Variants in PACS2 observed in about 807,000 individuals in gnomAD.
PACS2 encodes phosphofurin acidic cluster sorting protein 2.
In PACS2, 36 loss-of-function variants were observed where a neutral mutation model predicts 113.0. The observed-to-expected ratio is 0.32, with a 90% confidence interval of 0.24 to 0.42. The LOEUF (loss-of-function observed/expected upper bound fraction) is 0.42. Among genes scored for constraint, PACS2 ranks in the 10% least tolerant of loss-of-function variants. The pLI is 1.00. For synonymous variants in PACS2, 589 were observed against 536.1 expected (o/e 1.10, Z -1.36); for missense variants, 1,015 against 1,239.5 (o/e 0.82, Z 2.72).
At chr14:105,321,505 G>A (rs1226439202) in intron 1 of PACS2, among the ~76,000 whole-genome samples, 1 of 152,006 alleles carries the variant, frequency 6.6e-6, no homozygotes, top group Non-Finnish European at 1.5e-5. Flanking sequence ...TGGGACTACA[G>A]GTGTGCACCA....
At position 105,376,173 on chromosome 14, in the gene PACS2, C is replaced by T. The variant is rs1566954718; in HGVS notation, c.802-595C>T. ...TTACCTCCACTTGTCCTGCCCTTGG[C>T]ACGTGGGGCTTATGGGGATTACAAT... On this transcript the variant is annotated intron_variant, in intron 8 of 24. Coordinates refer to ENST00000447393, the MANE Select transcript of PACS2 (RefSeq NM_001100913.3). This position sits in a 1 kb window ranked among gnomAD's most constrained non-coding sequence, Gnocchi z 4.7. 6.6e-6 allele frequency among the ~76,000 whole-genome samples: 1 copy of T among 152,194 alleles called. No homozygotes were observed. Among genetic ancestry groups the T allele is most frequent in the Non-Finnish European group, 1.5e-5 (1 of 68,020 alleles).
chr14:105,368,027 C>T lies in PACS2; in HGVS notation c.587-47C>T, dbSNP rs371844801. The T allele has an allele frequency of 2.1e-4, 278 of 1,313,782 alleles. 1 individual carries two copies. Among genetic ancestry groups the T allele is most frequent in the African/African-American group, 2.6e-4 (18 of 69,386 alleles). 81.4% of individuals were successfully genotyped at this position (1,313,782 alleles called of 1,614,324 possible). On this transcript the variant is annotated intron_variant, in intron 5 of 24. Coordinates refer to ENST00000447393, the MANE Select transcript of PACS2 (RefSeq NM_001100913.3). ...TGGGGGTGGTCACTGCCTGGTTTCC[C>T]GGGTGGAATCTCACGGCACCCTCCC...
chr14:105,344,161 C>A (rs1161919247), intron 1 of PACS2, among the ~76,000 whole-genome samples: 1 of 152,000 alleles, frequency 6.6e-6, no homozygotes, highest in African/African-American at 2.4e-5. Context: ...AAGTGATCCA[C>A]CCACCTCAGC....
chr14:105,327,305 A>T (rs960315481), intron 1 of PACS2, among the ~76,000 whole-genome samples: 20 of 152,008 alleles, frequency 1.3e-4, no homozygotes, highest in African/African-American at 4.3e-4. Context: ...GCCTGAGGGG[A>T]TGTGCGCGGC....
rs1555405004 is a variant in PACS2 at position 105,354,899 on chromosome 14, T to A, written c.298-153T>A. ...TCTGGGGACCGGCATGCCACTGGGA[T>A]GAACTTGGGGGCCCGTCTGTGGGTG... On this transcript the variant is annotated intron_variant, in intron 3 of 24. Transcript: ENST00000447393. This position sits in a 1 kb window ranked among gnomAD's most constrained non-coding sequence, Gnocchi z 4.2. 1.5e-6 allele frequency: 1 copy of A among 665,988 alleles called. No individual in the cohort carries two copies. 41.3% of individuals were successfully genotyped at this position (665,988 alleles called of 1,614,324 possible).
chr14:105,352,511 C>T (rs1555404244), intron 3 of PACS2, 44 bp downstream of exon 3: 1 of 1,243,062 alleles, frequency 8.0e-7, no homozygotes, highest in Non-Finnish European at 1.2e-6. Flanking sequence ...TCACTGTCCC[C>T]TGGGGAGACG....
rs1194976543 is a variant in PACS2 at position 105,383,654 on chromosome 14, G to A, written c.1780+141G>A. The A allele has an allele frequency of 2.0e-5, 14 of 685,062 alleles. No homozygotes were observed. The Admixed American group carries it at 4.2e-4, about 20-fold the overall frequency. 42.4% of individuals were successfully genotyped at this position (685,062 alleles called of 1,614,324 possible). A position where few individuals can be genotyped will look rare whatever the true frequency, so the allele number is the denominator to read the frequency against. On this transcript the variant is annotated intron_variant, in intron 16 of 24. Transcript: ENST00000447393. ...TCGTGGTGTGGCGCGGTGTGGCATGGCGTGGTGTCCCTGCTTGCTACACAT... is the reference window on the plus strand; with the variant it reads ...TCGTGGTGTGGCGCGGTGTGGCATGACGTGGTGTCCCTGCTTGCTACACAT...
intron 4 of PACS2, among the ~76,000 whole-genome samples, chr14:105,362,226 G>T (rs186187173): frequency 6.6e-6 from 1 of 150,670 alleles, no homozygotes; most frequent in Admixed American, 6.6e-5. Flanking sequence ...AGACCATCCT[G>T]GCTAACACAG....
chr14:105,385,725 T>C lies in PACS2; in HGVS notation c.2033+8T>C. ...TTTTGACTTTACCCTAAGGTACGGC[T>C]CTGTGGGTCTGCCTCCCACCCTGTC... On this transcript the variant is annotated splice_region_variant and intron_variant, in intron 19 of 24. Transcript: ENST00000447393. 6.7e-7 allele frequency: 1 copy of C among 1,500,060 alleles called. No individual in the cohort carries two copies. The highest frequency in any genetic ancestry group is 8.9e-7 in the Non-Finnish European group (1 of 1,123,838). The allele number at this position is 1,500,060 out of a possible 1,614,324, so 92.9% of individuals were successfully genotyped here.
At chr14:105,341,586 C>T (rs2059726598) in intron 1 of PACS2, among the ~76,000 whole-genome samples, 1 of 152,200 alleles carries the variant, frequency 6.6e-6, no homozygotes, top group South Asian at 2.1e-4. Context: ...GTGTGGTGCA[C>T]CTGGCCTGGG....
chr14:105,379,454 G>C (rs1461534274), intron 9 of PACS2, among the ~76,000 whole-genome samples: 1 of 152,234 alleles, frequency 6.6e-6, no homozygotes, highest in Non-Finnish European at 1.5e-5. Flanking sequence ...CGAGTTTCAG[G>C]GGTGTGTGTT....
chr14:105,334,977 A>G (rs2059454834), intron 1 of PACS2, among the ~76,000 whole-genome samples: 1 of 152,160 alleles, frequency 6.6e-6, no homozygotes, highest in South Asian at 2.1e-4. Flanking sequence ...ACACCTGCAC[A>G]CCTGTGCCTG....
In PACS2 at chr14:105,348,022, GGGGAAAGCGTATCCCA is replaced by G. The variant is rs1465755770; in HGVS notation, c.120-469_120-454del. Reference sequence around the variant, plus strand: ...GGTGAAATGAACAGAAGGAAGGTTGGGGGAAAGCGTATCCCAGCTATGGGCAGGGGGTCCTGGGGTG... The same window carrying G: ...GGTGAAATGAACAGAAGGAAGGTTGGGCTATGGGCAGGGGGTCCTGGGGTG... On this transcript the variant is annotated intron_variant, in intron 1 of 24. Transcript: ENST00000447393. The surrounding 1 kb of genome is among the most constrained non-coding windows in gnomAD (Gnocchi z 6.4). 6.6e-6 allele frequency among the ~76,000 whole-genome samples: 1 copy of G among 152,196 alleles called. No homozygotes were observed. The highest frequency in any genetic ancestry group is 2.4e-5 in the African/African-American group (1 of 41,444).
intron 1 of PACS2, among the ~76,000 whole-genome samples, chr14:105,344,260 T>TG (rs2059836924): frequency 6.6e-6 from 1 of 150,924 alleles, no homozygotes; most frequent in South Asian, 2.1e-4. Context: ...AGTTTTTTTT[T>TG]GTTTTGTTTT....
chr14:105,377,562 C>T (rs1372308814), intron 9 of PACS2, among the ~76,000 whole-genome samples: 1 of 152,202 alleles, frequency 6.6e-6, no homozygotes, highest in Non-Finnish European at 1.5e-5. Flanking sequence ...AGGCCCCAGT[C>T]AGAGTCAGGA....
rs73359066 is a variant in PACS2 at position 105,356,040 on chromosome 14, C to T, written c.423+863C>T. Reference sequence around the variant, plus strand: ...CCTGGGGCCTGGGAAGGTCAGCCAGCGCAGCCCCTCATTGGGAGCCGGAGA... The same window carrying T: ...CCTGGGGCCTGGGAAGGTCAGCCAGTGCAGCCCCTCATTGGGAGCCGGAGA... On this transcript the variant is annotated intron_variant, in intron 4 of 24. Coordinates refer to ENST00000447393, the MANE Select transcript of PACS2 (RefSeq NM_001100913.3). This position sits in a 1 kb window ranked among gnomAD's most constrained non-coding sequence, Gnocchi z 4.0. 0.053 allele frequency among the ~76,000 whole-genome samples: 8,009 copies of T among 152,240 alleles called. 747 individuals are homozygous for T. The highest frequency in any genetic ancestry group is 0.18 in the African/African-American group (7,655 of 41,534).
chr14:105,335,878 G>A (rs1221952882), intron 1 of PACS2, among the ~76,000 whole-genome samples: 1 of 152,236 alleles, frequency 6.6e-6, no homozygotes, highest in African/African-American at 2.4e-5. Flanking sequence ...TGCTGGTGAT[G>A]CAGGAGCAGA....
At chr14:105,318,895 C>T (rs746204014) in intron 1 of PACS2, among the ~76,000 whole-genome samples, 3 of 151,638 alleles carry the variant, frequency 2.0e-5, no homozygotes, top group African/African-American at 2.4e-5. Flanking sequence ...TTTCTGACCT[C>T]GTGATCCGCC....
At chr14:105,326,995 C>G (rs936572658) in intron 1 of PACS2, among the ~76,000 whole-genome samples, 3 of 152,244 alleles carry the variant, frequency 2.0e-5, no homozygotes, top group Non-Finnish European at 4.4e-5. Context: ...AGTTAAGTCA[C>G]TACACCCGAA....
Sources: gnomAD v4.1 joint callset for allele counts (sites outside exome capture counted in the v4.1 genomes callset) on GRCh38, gnomAD v4.1.1 for gene constraint, Gnocchi (gnomAD v3.1) non-coding constraint, MANE v1.5 for transcripts, NCBI Gene and HGNC (gene_info 2026-07-23, HGNC 2026-07-21) for gene names.